CNTNAP2: variants seen among roughly 807,000 people sequenced by gnomAD.
CNTNAP2 encodes contactin-associated protein-like 2.
In CNTNAP2, 98 loss-of-function variants were observed where a neutral mutation model predicts 155.2. The ratio of observed to expected loss-of-function variants is 0.63; its 90% CI spans 0.54 to 0.75. CNTNAP2 has a LOEUF of 0.75. CNTNAP2 is among the 30% of genes least tolerant of loss of function. The probability of loss-of-function intolerance (pLI) is 0.00; values close to 1 mark genes in which losing one functional copy is unlikely to be tolerated. For synonymous variants in CNTNAP2, 651 were observed against 631.2 expected (o/e 1.03, Z -0.47); for missense variants, 1,727 against 1,688.1 (o/e 1.02, Z -0.40).
chr7:146,258,941 C>G (rs559496817), intron 1 of CNTNAP2, among the ~76,000 whole-genome samples: 1 of 152,272 alleles, frequency 6.6e-6, no homozygotes, highest in African/African-American at 2.4e-5. Flanking sequence ...ACCCAAGTCT[C>G]ATGTCAAGTT....
rs1213627755 is a variant in CNTNAP2 at position 147,562,199 on chromosome 7, G to T, written c.1839G>T (p.Trp613Cys). The change falls in exon 12 of 24, where the codon TGG becomes TGT. Residue 613 changes from tryptophan (W) to cysteine (C), a missense_variant. Physicochemically the swap from Trp to Cys is radical, Grantham distance 215. Transcript: ENST00000361727. ...KHLGQTSNYYWIDPDGSGPLG... is the reference protein window; with the variant it reads ...KHLGQTSNYYCIDPDGSGPLG... The stretch of plus-strand genomic sequence containing the variant: ...TAGGACAGACATCAAATTATTACTG[G>T]ATAGATCCTGATGGCAGCGGACCTC... The T allele has an allele frequency of 6.2e-7, 1 of 1,614,046 alleles. No individual in the cohort carries two copies. Among genetic ancestry groups the T allele is most frequent in the Non-Finnish European group, 8.5e-7 (1 of 1,179,938 alleles).
At chr7:147,254,273 A>G (rs1804269946) in intron 8 of CNTNAP2, among the ~76,000 whole-genome samples, 1 of 152,160 alleles carries the variant, frequency 6.6e-6, no homozygotes, top group Non-Finnish European at 1.5e-5. Context: ...ATAAGGTTCT[A>G]TAAGTTTTTT....
chr7:147,116,303 G>A (rs1345612751), intron 5 of CNTNAP2, among the ~76,000 whole-genome samples: 2 of 152,188 alleles, frequency 1.3e-5, no homozygotes, highest in Non-Finnish European at 2.9e-5. Flanking sequence ...GAGGAATGAG[G>A]TCAGGGATTG....
intron 9 of CNTNAP2, among the ~76,000 whole-genome samples, chr7:147,318,895 C>T (rs1003845819): frequency 6.6e-6 from 1 of 151,862 alleles, no homozygotes; most frequent in Non-Finnish European, 1.5e-5. Flanking sequence ...TTTAGAAAAG[C>T]ATGTCTTTAA....
intron 15 of CNTNAP2, among the ~76,000 whole-genome samples, chr7:148,061,922 T>C (rs62471693): frequency 0.11 from 8,508 of 77,650 alleles, 541 homozygotes; most frequent in East Asian, 0.27. Flanking sequence ...TAAACAGATA[T>C]AGATAGATAG....
chr7:147,630,409 C>T (rs994812158), intron 12 of CNTNAP2, among the ~76,000 whole-genome samples: 2 of 150,312 alleles, frequency 1.3e-5, no homozygotes, highest in Non-Finnish European at 3.0e-5. Flanking sequence ...GAAGAATCGA[C>T]ACCAATCTTA....
At chr7:147,011,196 C>G (rs1244954746) in intron 3 of CNTNAP2, among the ~76,000 whole-genome samples, 1 of 151,824 alleles carries the variant, frequency 6.6e-6, no homozygotes, top group Non-Finnish European at 1.5e-5. Flanking sequence ...GGTGGATCAC[C>G]TGAGGTCATC....
At chr7:148,244,890 C>A (rs1037880930) in intron 20 of CNTNAP2, among the ~76,000 whole-genome samples, 2 of 151,576 alleles carry the variant, frequency 1.3e-5, no homozygotes, top group Non-Finnish European at 1.5e-5. Context: ...TCTAATATAA[C>A]ATTTTAATAG....
chr7:147,096,225 A>C, intron 4 of CNTNAP2, among the ~76,000 whole-genome samples: 1 of 152,204 alleles, frequency 6.6e-6, no homozygotes, highest in East Asian at 1.9e-4. Flanking sequence ...AGAAGACATA[A>C]ATGTGGGCCA....
chr7:146,990,094 T>C (rs1798184797), intron 3 of CNTNAP2, among the ~76,000 whole-genome samples: 1 of 151,664 alleles, frequency 6.6e-6, no homozygotes, highest in African/African-American at 2.4e-5. Context: ...AAAAAAGGGG[T>C]TGAGGATTTG....
In CNTNAP2 at chr7:148,169,787, C is replaced by G. The variant is rs555859218; in HGVS notation, c.2774-2455C>G. Among the ~76,000 whole-genome samples, 4 of 152,238 alleles carry G rather than the reference C, an allele frequency of 2.6e-5. No individual in the cohort carries two copies. The South Asian group carries it at 8.3e-4, about 32-fold the overall frequency. On this transcript the variant is annotated intron_variant, in intron 17 of 23. Transcript: ENST00000361727. ...CCAGCCTGGTTAACATGGTGAAACC[C>G]CATCTCTACTAAAAATACAAAAATT...
At chr7:146,665,655 C>A (rs1800177284) in intron 1 of CNTNAP2, among the ~76,000 whole-genome samples, 1 of 151,394 alleles carries the variant, frequency 6.6e-6, no homozygotes, top group Admixed American at 6.6e-5. Flanking sequence ...GTGGCGCATG[C>A]CTGTAGTCCC....
rs1173175747 is a variant in CNTNAP2 at position 147,273,528 on chromosome 7, A to C, written c.1349-26613A>C. Among the ~76,000 whole-genome samples, 4 of 151,876 alleles carry C rather than the reference A, an allele frequency of 2.6e-5. No individual in the cohort carries two copies. The East Asian group carries it at 5.8e-4, about 22-fold the overall frequency. On this transcript the variant is annotated intron_variant, in intron 8 of 23. Coordinates refer to ENST00000361727, the MANE Select transcript of CNTNAP2 (RefSeq NM_014141.6). ...CCCGCTCTGACCCACCCCACTTTGGAGTCCCCGGTATCTATAATTTCCATC... is the reference window on the plus strand; with the variant it reads ...CCCGCTCTGACCCACCCCACTTTGGCGTCCCCGGTATCTATAATTTCCATC...
chr7:146,157,129 G>A (rs1436160479), intron 1 of CNTNAP2, among the ~76,000 whole-genome samples: 1 of 152,004 alleles, frequency 6.6e-6, no homozygotes, highest in African/African-American at 2.4e-5. Context: ...ATAAAATAAG[G>A]TGAACTACTT....
intron 11 of CNTNAP2, among the ~76,000 whole-genome samples, chr7:147,497,772 G>A (rs1798735382): frequency 6.6e-6 from 1 of 152,138 alleles, no homozygotes; most frequent in Non-Finnish European, 1.5e-5. Flanking sequence ...GATTTCCTGA[G>A]ATAATAAAAC....
chr7:148,211,693 T>C (rs562042457), intron 18 of CNTNAP2, among the ~76,000 whole-genome samples: 2 of 152,338 alleles, frequency 1.3e-5, no homozygotes, highest in East Asian at 1.9e-4. Context: ...CCTGGGGTTC[T>C]TACCTTAAGA....
chr7:146,508,649 C>T (rs1168574306), intron 1 of CNTNAP2, among the ~76,000 whole-genome samples: 2 of 152,186 alleles, frequency 1.3e-5, no homozygotes, highest in African/African-American at 4.8e-5. Context: ...GACCAGTTTC[C>T]TAATCAAACA....
intron 8 of CNTNAP2, among the ~76,000 whole-genome samples, chr7:147,178,672 C>A (rs1470835729): frequency 2.0e-5 from 3 of 152,126 alleles, no homozygotes; most frequent in African/African-American, 4.8e-5. Context: ...AGTGCAGTGT[C>A]CGGGTCTCTG....
intron 15 of CNTNAP2, among the ~76,000 whole-genome samples, chr7:148,051,212 A>G (rs1802883132): frequency 6.6e-6 from 1 of 152,190 alleles, no homozygotes; most frequent in Non-Finnish European, 1.5e-5. Context: ...GCATACTTTT[A>G]TGTAATTTGC....
Sources: gnomAD v4.1 joint callset for allele counts (sites outside exome capture counted in the v4.1 genomes callset) on GRCh38, gnomAD v4.1.1 for gene constraint, MANE v1.5 for transcripts, NCBI Gene and HGNC (gene_info 2026-07-23, HGNC 2026-07-21) for gene names.